ARHGEF26: variants seen among roughly 807,000 people sequenced by gnomAD.
ARHGEF26 encodes Rho guanine nucleotide exchange factor 26, also known as Rho guanine nucleotide exchange factor (GEF) 26.
ARHGEF26 carries 59 observed loss-of-function variants against 89.4 expected under a neutral mutation model. The ratio of observed to expected loss-of-function variants is 0.66; its 90% CI spans 0.54 to 0.82. ARHGEF26 has a LOEUF of 0.82. Ranked by LOEUF, ARHGEF26 falls within the 40% of genes least tolerant of loss-of-function variation. The probability of loss-of-function intolerance (pLI) is 0.00; values close to 1 mark genes in which losing one functional copy is unlikely to be tolerated. For missense variants in ARHGEF26, 1,234 were observed against 1,085.6 expected, an observed-to-expected ratio of 1.14 and a Z score of -1.92; for synonymous variants, 500 against 428.4, an observed-to-expected ratio of 1.17 and a Z score of -2.06.
intron 6 of ARHGEF26, chr3:154,187,161 A>T: frequency 1.1e-6 from 1 of 933,626 alleles, no homozygotes; most frequent in Non-Finnish European, 1.3e-6. Flanking sequence ...GAGTGCTGGG[A>T]TTACACATGT....
chr3:154,187,332 GGCAGA>G (rs1290414244), intron 6 of ARHGEF26, among the ~76,000 whole-genome samples: 2 of 151,580 alleles, frequency 1.3e-5, no homozygotes, highest in African/African-American at 2.4e-5. Flanking sequence ...AGTACCTGAA[GGCAGA>G]GCAGATCAAT....
chr3:154,128,042 A>G (rs1433230844), intron 3 of ARHGEF26, among the ~76,000 whole-genome samples: 1 of 152,098 alleles, frequency 6.6e-6, no homozygotes, highest in Non-Finnish European at 1.5e-5. Context: ...CAAATATCTG[A>G]CTGCCAGACT....
At chr3:154,252,461 T>A in intron 12 of ARHGEF26, among the ~76,000 whole-genome samples, 1 of 152,202 alleles carries the variant, frequency 6.6e-6, no homozygotes, top group East Asian at 1.9e-4. Context: ...AGTGCTTGCT[T>A]ATCTGAAACT....
intron 4 of ARHGEF26, among the ~76,000 whole-genome samples, chr3:154,138,099 G>C (rs755662561): frequency 2.0e-5 from 3 of 152,118 alleles, no homozygotes; most frequent in Non-Finnish European, 4.4e-5. Context: ...ATGATCTACA[G>C]TGTTATAACT....
intron 4 of ARHGEF26, among the ~76,000 whole-genome samples, chr3:154,130,369 G>C (rs983998438): frequency 6.6e-6 from 1 of 151,914 alleles, no homozygotes; most frequent in Non-Finnish European, 1.5e-5. Flanking sequence ...TTGAATTCCT[G>C]CCCTCTAGTG....
chr3:154,190,562 C>T (rs554492164), intron 7 of ARHGEF26, among the ~76,000 whole-genome samples: 1 of 152,310 alleles, frequency 6.6e-6, no homozygotes, highest in African/African-American at 2.4e-5. Flanking sequence ...TTGGCAGTTA[C>T]TAAGTCATAT....
chr3:154,174,951 G>A (rs1200297466), intron 6 of ARHGEF26, among the ~76,000 whole-genome samples: 4 of 152,074 alleles, frequency 2.6e-5, no homozygotes, highest in African/African-American at 4.8e-5. Context: ...AAATGATGGA[G>A]ACTATTTTTA....
chr3:154,129,485 CA>C, intron 3 of ARHGEF26, 88 bp from the exon 4 acceptor site: 1 of 1,383,914 alleles, frequency 7.2e-7, no homozygotes, highest in Middle Eastern at 1.9e-4. Flanking sequence ...AATTGGAGGC[CA>C]AACATTGGGT....
At chr3:154,155,028 CA>C (rs991991960) in intron 6 of ARHGEF26, among the ~76,000 whole-genome samples, 4 of 151,938 alleles carry the variant, frequency 2.6e-5, no homozygotes, top group Admixed American at 1.3e-4. Context: ...TTTGCAGTAC[CA>C]CCAAGAATAG....
At chr3:154,151,582 C>G (rs1399342195) in intron 5 of ARHGEF26, among the ~76,000 whole-genome samples, 1 of 152,156 alleles carries the variant, frequency 6.6e-6, no homozygotes, top group African/African-American at 2.4e-5. Context: ...AAATGAGACT[C>G]TTAACATTCT....
Position 154,219,478 on chromosome 3 carries a change from C to T in ARHGEF26, c.1935+1520C>T, listed in dbSNP as rs377296820. ...GGTGTAGTGGCAGGCACCTGTAATC[C>T]CAGCTATTTGGGAAGCTGAGGCAGG... On this transcript the variant is annotated intron_variant, in intron 10 of 14. Coordinates refer to ENST00000465093, the MANE Select transcript of ARHGEF26 (RefSeq NM_015595.4). Among the ~76,000 whole-genome samples, 5 of 151,702 alleles carry T rather than the reference C, an allele frequency of 3.3e-5. No homozygotes were observed. The East Asian group carries it at 7.7e-4, about 23-fold the overall frequency.
intron 6 of ARHGEF26, chr3:154,187,168 A>G: frequency 5.2e-6 from 5 of 963,540 alleles, no homozygotes; most frequent in Non-Finnish European, 6.2e-6. Flanking sequence ...GGGATTACAC[A>G]TGTGAGCCAC....
chr3:154,219,247 C>T (rs1468359470), intron 10 of ARHGEF26, among the ~76,000 whole-genome samples: 1 of 152,046 alleles, frequency 6.6e-6, no homozygotes, highest in Non-Finnish European at 1.5e-5. Context: ...ATTCCCTAAC[C>T]ATTTTTCTTT....
At chr3:154,205,008 C>G (rs929296577) in intron 9 of ARHGEF26, among the ~76,000 whole-genome samples, 7 of 152,124 alleles carry the variant, frequency 4.6e-5, no homozygotes, top group Admixed American at 1.3e-4. Context: ...CTGTAAATAT[C>G]TATTAGATCC....
At chr3:154,215,031 A>G (rs1490701874) in intron 9 of ARHGEF26, among the ~76,000 whole-genome samples, 1 of 152,246 alleles carries the variant, frequency 6.6e-6, no homozygotes, top group Admixed American at 6.5e-5. Context: ...TATAATTATT[A>G]TAGCATAAAT....
At chr3:154,216,455 C>T (rs1715728087) in intron 9 of ARHGEF26, among the ~76,000 whole-genome samples, 1 of 148,310 alleles carries the variant, frequency 6.7e-6, no homozygotes. Context: ...GGCTCCCCTG[C>T]AAGACTTCCC....
chr3:154,229,100 A>G (rs1208351699), intron 11 of ARHGEF26, among the ~76,000 whole-genome samples: 1 of 152,216 alleles, frequency 6.6e-6, no homozygotes, highest in Non-Finnish European at 1.5e-5. Context: ...TGCATGTATC[A>G]CTGCTTGTGC....
chr3:154,214,709 C>A (rs927391805), intron 9 of ARHGEF26, among the ~76,000 whole-genome samples: 1 of 152,096 alleles, frequency 6.6e-6, no homozygotes, highest in African/African-American at 2.4e-5. Context: ...ACACATTCCC[C>A]AGGAGAAGTC....
chr3:154,163,957 T>C (rs930310134), intron 6 of ARHGEF26, among the ~76,000 whole-genome samples: 13 of 152,218 alleles, frequency 8.5e-5, no homozygotes, highest in Middle Eastern at 3.4e-3. Flanking sequence ...AATACCCAAA[T>C]AACATACACT....
Sources: allele counts gnomAD v4.1 joint callset (sites outside exome capture counted in the v4.1 genomes callset), GRCh38; gene constraint gnomAD v4.1.1; transcripts MANE v1.5; gene names NCBI Gene and HGNC (gene_info 2026-07-23, HGNC 2026-07-21).